The following SENP7 variants were observed in gnomAD, a reference collection of about 807,000 sequenced individuals.
The protein encoded by SENP7 is SUMO specific peptidase 7.
In SENP7, 64 loss-of-function variants were observed where a neutral mutation model predicts 141.2. The observed-to-expected ratio is 0.45, with a 90% CI of 0.37 to 0.56. The LOEUF is 0.56. Among genes scored for constraint, SENP7 ranks in the 20% least tolerant of loss-of-function variants. The pLI, the probability that SENP7 is intolerant of heterozygous loss-of-function variation, is 0.00. For synonymous variants in SENP7, 382 were observed against 426.4 expected (o/e 0.90, Z 1.28); for missense variants, 1,025 against 1,212.2 (o/e 0.85, Z 2.29).
At chr3:101,359,614 C>T (rs1276407739) in intron 11 of SENP7, among the ~76,000 whole-genome samples, 2 of 151,340 alleles carry the variant, frequency 1.3e-5, no homozygotes, top group Non-Finnish European at 2.9e-5. Context: ...TTTGAAATGA[C>T]CAACAATTAA....
intron 3 of SENP7, among the ~76,000 whole-genome samples, chr3:101,482,011 A>AT (rs1043252229): frequency 6.6e-6 from 1 of 152,162 alleles, no homozygotes; most frequent in African/African-American, 2.4e-5. Flanking sequence ...ACATTAGCAC[A>AT]TAAAAAATGA....
At chr3:101,410,628 C>T (rs66516412) in intron 5 of SENP7, among the ~76,000 whole-genome samples, 60,273 of 151,840 alleles carry the variant, frequency 0.4, 12,490 homozygotes, top group Admixed American at 0.54. Context: ...GGGTGGATCA[C>T]CTGAGGTCAG....
chr3:101,415,761 C>A (rs1302952642), intron 5 of SENP7, among the ~76,000 whole-genome samples: 3 of 150,422 alleles, frequency 2.0e-5, no homozygotes, highest in African/African-American at 7.3e-5. Context: ...GGGGCTTTTG[C>A]AACACAGTGT....
intron 6 of SENP7, among the ~76,000 whole-genome samples, chr3:101,392,883 C>T (rs2060855636): frequency 1.3e-5 from 2 of 152,194 alleles, no homozygotes; most frequent in East Asian, 3.9e-4. Flanking sequence ...ATTCAGGAGG[C>T]TGAGGAGGGA....
rs886854126 is a variant in SENP7, at chr3:101,443,072, T to C, written c.284+15883A>G. On this transcript the variant is annotated intron_variant, in intron 4 of 23. Coordinates refer to ENST00000394095, the MANE Select transcript of SENP7 (RefSeq NM_020654.5). ...TGCCGAGGTTTTCTTCTAGGGTTTT[T>C]ATGGTTTTAGGTCAAACGTTTAAGT... 2.6e-5 allele frequency among the ~76,000 whole-genome samples: 4 copies of C among 152,228 alleles called. 1 individual carries two copies. In the South Asian group the frequency reaches 8.3e-4, roughly 32 times the overall value.
intron 2 of SENP7, among the ~76,000 whole-genome samples, chr3:101,500,869 A>G (rs2065350116): frequency 6.6e-6 from 1 of 152,238 alleles, no homozygotes; most frequent in African/African-American, 2.4e-5. Context: ...TCCAGAAAGT[A>G]TACTAGTCAA....
At chr3:101,348,191 G>A in intron 12 of SENP7, 140 bp from the exon 13 acceptor site, 1 of 536,654 alleles carries the variant, frequency 1.9e-6, no homozygotes, top group Non-Finnish European at 3.0e-6. Flanking sequence ...TATATTTCCA[G>A]TGCACTTTGC....
In SENP7 at chr3:101,501,081, C is replaced by G; in HGVS notation, c.79G>C (p.Asp27His). ...AAACAAATGCATACCTCCGATAAATCAGAAGATGACTTTTTCCTTTTTCCT... is the reference window on the plus strand; with the variant it reads ...AAACAAATGCATACCTCCGATAAATGAGAAGATGACTTTTTCCTTTTTCCT... ...TEGKRKKSSS[D>H]LSEIRKMLNA... The change falls in exon 2 of 24, where the codon GAT (aspartate) becomes CAT (histidine). Residue 27 changes from aspartate (D) to histidine (H), a missense_variant. Asp to His is a moderately conservative substitution (Grantham distance 81). Around this residue, in one of 4 missense-constraint regions of SENP7, gnomAD observed 496 missense variants for 503.5 expected, o/e 0.99. Transcript: ENST00000394095. 1.2e-6 allele frequency: 2 copies of G among 1,605,238 alleles called. No individual in the cohort carries two copies. Among genetic ancestry groups the G allele is most frequent in the Non-Finnish European group, 1.7e-6 (2 of 1,174,840 alleles).
Position 101,330,317 on chromosome 3 carries a change from G to A in SENP7, c.2751+17C>T. The A allele has an allele frequency of 1.9e-6, 3 of 1,578,136 alleles. No individual in the cohort carries two copies. Among genetic ancestry groups the A allele is most frequent in the Non-Finnish European group, 2.6e-6 (3 of 1,148,458 alleles). ...CATGAGTTTTCCTTCCTTCCCATCT[G>A]TAAAGAACACACTTACTTGGGAATC... On this transcript the variant is annotated intron_variant, in intron 20 of 23. Transcript: ENST00000394095.
intron 8 of SENP7, among the ~76,000 whole-genome samples, chr3:101,366,975 A>C (rs987083774): frequency 6.6e-6 from 1 of 152,148 alleles, no homozygotes; most frequent in African/African-American, 2.4e-5. Context: ...ATGCCTGATA[A>C]TTTTTTAAAG....
chr3:101,463,376 T>TATATAC (rs1553744659), intron 3 of SENP7, among the ~76,000 whole-genome samples: 1 of 85,282 alleles, frequency 1.2e-5, no homozygotes, highest in South Asian at 3.6e-4. Context: ...TATATATATA[T>TATATAC]ATATATATAT....
chr3:101,364,460 T>A (rs1410801082), intron 10 of SENP7, among the ~76,000 whole-genome samples: 2 of 152,180 alleles, frequency 1.3e-5, no homozygotes, highest in Non-Finnish European at 2.9e-5. Flanking sequence ...GCCTTCATAG[T>A]ATGTGAGGAA....
chr3:101,421,192 C>T (rs1258031632), intron 4 of SENP7, among the ~76,000 whole-genome samples: 2 of 151,900 alleles, frequency 1.3e-5, no homozygotes, highest in Non-Finnish European at 2.9e-5. Context: ...CTGCAACTTA[C>T]TCTCAAATGG....
chr3:101,463,374 T>TATAC (rs2063626413), intron 3 of SENP7, among the ~76,000 whole-genome samples: 2 of 86,006 alleles, frequency 2.3e-5, no homozygotes. Flanking sequence ...AATATATATA[T>TATAC]ATATATATAT....
intron 3 of SENP7, among the ~76,000 whole-genome samples, chr3:101,463,378 TATATATATATATATATATAC>T (rs1326459080): frequency 8.2e-4 from 69 of 84,402 alleles, no homozygotes; most frequent in African/African-American, 2.8e-3. Flanking sequence ...TATATATATA[TATATATATATATATATATAC>T]ATATATATAT....
At chr3:101,429,207 G>C (rs2107706076) in intron 4 of SENP7, among the ~76,000 whole-genome samples, 1 of 151,912 alleles carries the variant, frequency 6.6e-6, no homozygotes, top group East Asian at 1.9e-4. Flanking sequence ...ATTTAAAGTA[G>C]TTCTTTTTCC....
chr3:101,388,613 G>A (rs890650681), intron 6 of SENP7, among the ~76,000 whole-genome samples: 6 of 151,878 alleles, frequency 4.0e-5, no homozygotes, highest in African/African-American at 1.2e-4. Flanking sequence ...ATGTACAAAG[G>A]AATATAATAA....
chr3:101,428,052 T>C (rs2062023531), intron 4 of SENP7, among the ~76,000 whole-genome samples: 1 of 152,230 alleles, frequency 6.6e-6, no homozygotes, highest in Non-Finnish European at 1.5e-5. Flanking sequence ...CTGCATAGTA[T>C]TCCATGGTGT....
At position 101,507,176 on chromosome 3, in the gene SENP7, G is replaced by A. The variant is rs938932939; in HGVS notation, c.40+5915C>T. Reference sequence around the variant, plus strand: ...TACCAATACGAGCACACACGAACTAGGATGAAGCAGACCACATCAGCCAGA... The same window carrying A: ...TACCAATACGAGCACACACGAACTAAGATGAAGCAGACCACATCAGCCAGA... On this transcript the variant is annotated intron_variant, in intron 1 of 23. Coordinates refer to ENST00000394095, the MANE Select transcript of SENP7 (RefSeq NM_020654.5). Among the ~76,000 whole-genome samples, 9 of 152,056 alleles carry A rather than the reference G, an allele frequency of 5.9e-5. No individual in the cohort carries two copies. In the East Asian group the frequency reaches 1.7e-3, roughly 29 times the overall value.
Sources: allele counts gnomAD v4.1 joint callset (sites outside exome capture counted in the v4.1 genomes callset), GRCh38; gene constraint gnomAD v4.1.1; regional missense constraint gnomAD v4.1.1; transcripts MANE v1.5; gene names NCBI Gene and HGNC (gene_info 2026-07-23, HGNC 2026-07-21).